The following CNTNAP2 variants were observed in gnomAD, a reference collection of about 807,000 sequenced individuals.
The protein encoded by CNTNAP2 is contactin associated protein 2.
CNTNAP2 carries 98 observed loss-of-function variants against 155.2 expected under a neutral mutation model. That is an observed-to-expected ratio of 0.63 (90% CI 0.54 to 0.75). The LOEUF (loss-of-function observed/expected upper bound fraction) is 0.75. Ranked by LOEUF, CNTNAP2 falls within the 30% of genes least tolerant of loss-of-function variation. The pLI, the probability that CNTNAP2 is intolerant of heterozygous loss-of-function variation, is 0.00. For synonymous variants in CNTNAP2, 651 were observed against 631.2 expected (o/e 1.03, Z -0.47); for missense variants, 1,727 against 1,688.1 (o/e 1.02, Z -0.40).
intron 1 of CNTNAP2, among the ~76,000 whole-genome samples, chr7:146,673,962 C>A (rs1174319240): frequency 6.6e-6 from 1 of 152,140 alleles, no homozygotes; most frequent in South Asian, 2.1e-4. Context: ...TGTACATAAC[C>A]CTACTAAAAC....
intron 1 of CNTNAP2, among the ~76,000 whole-genome samples, chr7:146,667,535 G>C (rs1800218662): frequency 6.7e-6 from 1 of 150,342 alleles, no homozygotes; most frequent in African/African-American, 2.4e-5. Context: ...TTATAGAGAA[G>C]GCATTCACTC....
At chr7:146,411,329 T>C (rs1039203067) in intron 1 of CNTNAP2, among the ~76,000 whole-genome samples, 5 of 152,048 alleles carry the variant, frequency 3.3e-5, no homozygotes, top group Non-Finnish European at 7.4e-5. Context: ...GACTAATTTT[T>C]GTGTTTTTAG....
At chr7:147,338,798 A>G (rs1382788978) in intron 9 of CNTNAP2, among the ~76,000 whole-genome samples, 1 of 151,972 alleles carries the variant, frequency 6.6e-6, no homozygotes, top group Non-Finnish European at 1.5e-5. Context: ...ATTTGCTAAT[A>G]TGTATACACA....
chr7:146,172,931 T>G (rs1004560296), intron 1 of CNTNAP2, among the ~76,000 whole-genome samples: 12 of 152,216 alleles, frequency 7.9e-5, no homozygotes, highest in African/African-American at 2.7e-4. Context: ...TGAGAGGTCC[T>G]GAAGTACTAA....
At chr7:147,871,337 A>T (rs1799323344) in intron 13 of CNTNAP2, among the ~76,000 whole-genome samples, 1 of 152,184 alleles carries the variant, frequency 6.6e-6, no homozygotes, top group Non-Finnish European at 1.5e-5. Context: ...CCTGAAGGCC[A>T]CATTCCTTCT....
rs1798595369 is a variant in CNTNAP2 at position 147,834,041 on chromosome 7, T to TCAA, written c.2099-69524_2099-69523insCAA. On this transcript the variant is annotated intron_variant, in intron 13 of 23. Coordinates refer to ENST00000361727, the MANE Select transcript of CNTNAP2 (RefSeq NM_014141.6). ...GAAGAATTGAAAGATTAGATATGGGTTACTTTTTCTTTCCACACTAGTGAG... is the reference window on the plus strand; with the variant it reads ...GAAGAATTGAAAGATTAGATATGGGTCAATACTTTTTCTTTCCACACTAGTGAG... Among the ~76,000 whole-genome samples the TCAA allele has an allele frequency of 2.6e-5, 4 of 152,282 alleles. No homozygotes were observed. In the East Asian group the frequency reaches 7.7e-4, roughly 29 times the overall value.
At chr7:146,467,673 C>T (rs1433483235) in intron 1 of CNTNAP2, among the ~76,000 whole-genome samples, 2 of 151,994 alleles carry the variant, frequency 1.3e-5, no homozygotes. Flanking sequence ...TATTGAATTT[C>T]CTTGAAAAAT....
intron 3 of CNTNAP2, among the ~76,000 whole-genome samples, chr7:146,846,073 A>G (rs1394705978): frequency 6.6e-6 from 1 of 152,230 alleles, no homozygotes; most frequent in Non-Finnish European, 1.5e-5. Context: ...CTTTCAAAAT[A>G]TCTAGAATTT....
At chr7:146,126,097 AGAAGTAACTTC>A (rs1179995074) in intron 1 of CNTNAP2, among the ~76,000 whole-genome samples, 1 of 152,214 alleles carries the variant, frequency 6.6e-6, no homozygotes, top group Non-Finnish European at 1.5e-5. Context: ...AGACACATGG[AGAAGTAACTTC>A]CCTGGGCCAC....
chr7:147,237,713 A>G (rs1803841655), intron 8 of CNTNAP2, among the ~76,000 whole-genome samples: 2 of 152,234 alleles, frequency 1.3e-5, no homozygotes, highest in Admixed American at 6.5e-5. Flanking sequence ...GCAATAAGCA[A>G]TTACTGCTGG....
chr7:147,070,665 C>G (rs956801136), intron 4 of CNTNAP2, among the ~76,000 whole-genome samples: 5 of 152,144 alleles, frequency 3.3e-5, no homozygotes, highest in Non-Finnish European at 7.3e-5. Flanking sequence ...AGTCATATAG[C>G]CTTGCCAGGG....
intron 13 of CNTNAP2, among the ~76,000 whole-genome samples, chr7:147,650,452 C>T (rs1029997347): frequency 6.6e-6 from 1 of 152,114 alleles, no homozygotes; most frequent in African/African-American, 2.4e-5. Flanking sequence ...GACAGCAAGA[C>T]CAACCCCTCC....
chr7:148,080,421 C>T (rs574089820), intron 15 of CNTNAP2, among the ~76,000 whole-genome samples: 27 of 151,876 alleles, frequency 1.8e-4, no homozygotes, highest in Non-Finnish European at 2.8e-4. Flanking sequence ...CTGGCTAACA[C>T]GGTGAAGCCC....
In CNTNAP2 at chr7:148,383,653, A is replaced by G. The variant is rs1440399971; in HGVS notation, c.3480A>G (p.Thr1160=). ...KSLFLGKVIE[T]GKIDQEIHKY... is the part of the protein sequence containing the mutation. ...TCATTTCTTTTTTTCTTTTAGAAAC[A>G]GGGAAAATTGACCAAGAGATTCACA... Residue 1160 remains threonine, a synonymous_variant, in exon 22 of 24, where the codon ACA becomes ACG. Coordinates refer to ENST00000361727, the MANE Select transcript of CNTNAP2 (RefSeq NM_014141.6). The G allele has an allele frequency of 1.2e-6, 2 of 1,614,192 alleles. No individual in the cohort carries two copies. The highest frequency in any genetic ancestry group is 1.7e-5 in the Admixed American group (1 of 60,022).
chr7:147,176,564 G>C (rs1485090970), intron 8 of CNTNAP2, among the ~76,000 whole-genome samples: 1 of 147,724 alleles, frequency 6.8e-6, no homozygotes, highest in Non-Finnish European at 1.5e-5. Flanking sequence ...CCTTTTACTA[G>C]TTTTGTGAAA....
intron 9 of CNTNAP2, among the ~76,000 whole-genome samples, chr7:147,308,395 A>G (rs998812483): frequency 6.6e-6 from 1 of 152,172 alleles, no homozygotes; most frequent in Non-Finnish European, 1.5e-5. Flanking sequence ...AGTGGCAACT[A>G]TTGCAGTAAT....
chr7:147,630,814 G>T (rs1795074484), intron 12 of CNTNAP2, among the ~76,000 whole-genome samples: 1 of 152,026 alleles, frequency 6.6e-6, no homozygotes, highest in Non-Finnish European at 1.5e-5. Flanking sequence ...GCATAGAAGG[G>T]ATGTACCTCA....
intron 11 of CNTNAP2, among the ~76,000 whole-genome samples, chr7:147,507,550 C>CTTTTTTTTTTTTTTT (rs3052511): frequency 1.1e-4 from 9 of 82,026 alleles, no homozygotes; most frequent in Admixed American, 1.6e-4. Flanking sequence ...CTCTTTCTTT[C>CTTTTTTTTTTTTTTT]TTTTTTTTTT....
chr7:147,986,981 G>A (rs73464297), intron 15 of CNTNAP2, among the ~76,000 whole-genome samples: 10,111 of 151,374 alleles, frequency 0.067, 747 homozygotes, highest in African/African-American at 0.19. Context: ...CTGGAGTGAT[G>A]TGTAGAAATC....
Sources: gnomAD v4.1 joint callset for allele counts (sites outside exome capture counted in the v4.1 genomes callset) on GRCh38, gnomAD v4.1.1 for gene constraint, MANE v1.5 for transcripts, NCBI Gene and HGNC (gene_info 2026-07-23, HGNC 2026-07-21) for gene names.